Variants in WRN observed in about 807,000 individuals in gnomAD.
WRN encodes the protein WRN RecQ like helicase, also known as bifunctional 3'-5' exonuclease/ATP-dependent helicase WRN.
In WRN, 149 loss-of-function variants were observed where a neutral mutation model predicts 180.7. That is an observed-to-expected ratio of 0.82 (90% CI 0.72 to 0.94). The LOEUF (loss-of-function observed/expected upper bound fraction) is 0.94, where lower values mean the gene tolerates loss of function less well. WRN is among the 40% of genes least tolerant of loss of function. WRN has a pLI of 0.00. For synonymous variants in WRN, 548 were observed against 568.9 expected (o/e 0.96, Z 0.52); for missense variants, 1,661 against 1,700.1 (o/e 0.98, Z 0.40).
intron 21 of WRN, among the ~76,000 whole-genome samples, chr8:31,122,860 G>GTTTTTTTTTTT (rs71206298): frequency 1.2e-4 from 8 of 69,480 alleles, no homozygotes; most frequent in Admixed American, 2.3e-4. Flanking sequence ...TTCTTTTCTT[G>GTTTTTTTTTTT]TTTTTTTTTT....
chr8:31,062,181 A>G (rs534801921), intron 3 of WRN, among the ~76,000 whole-genome samples: 2 of 152,176 alleles, frequency 1.3e-5, no homozygotes, highest in South Asian at 4.1e-4. Context: ...TATCTGAAAC[A>G]GTTGTTTTAT....
chr8:31,081,426 C>A, intron 9 of WRN, 130 bp downstream of exon 9: 1 of 965,230 alleles, frequency 1.0e-6, no homozygotes. Context: ...TAACTCAGTT[C>A]TGTTATTGTA....
intron 1 of WRN, among the ~76,000 whole-genome samples, chr8:31,040,027 G>A (rs534340906): frequency 3.9e-5 from 6 of 152,138 alleles, no homozygotes; most frequent in South Asian, 2.1e-4. Context: ...TTGTAGCAGC[G>A]GAAGTGGTGA....
At chr8:31,095,122 A>T (rs998148549) in intron 16 of WRN, among the ~76,000 whole-genome samples, 1 of 152,130 alleles carries the variant, frequency 6.6e-6, no homozygotes, top group African/African-American at 2.4e-5. Context: ...AGTCTGGCTG[A>T]TCTTTAACTT....
chr8:31,171,304 G>A (rs1804091964), intron 34 of WRN: 2 of 145,136 alleles, frequency 1.4e-5, no homozygotes, highest in East Asian at 2.0e-4. Context: ...CCAATATCCA[G>A]AATCTACAAG....
At position 31,173,195 on chromosome 8, in the gene WRN, TAAA is replaced by T; in HGVS notation, c.*96_*98del. 1 of 1,209,506 alleles carries T rather than the reference TAAA, an allele frequency of 8.3e-7. No homozygotes were observed. The highest frequency in any genetic ancestry group is 1.2e-6 in the Non-Finnish European group (1 of 834,000). 74.9% of individuals were successfully genotyped at this position (1,209,506 alleles called of 1,614,324 possible). ...AAGAGTAAGGAGTAGTATTTTGGCT[TAAA>T]AATCATTCTAATTACAAAGTTCACT... On this transcript the variant is annotated 3_prime_UTR_variant, in exon 35 of 35. Coordinates refer to ENST00000298139, the MANE Select transcript of WRN (RefSeq NM_000553.6).
intron 2 of WRN, 136 bp downstream of exon 2, chr8:31,058,679 A>G: frequency 1.2e-6 from 1 of 810,788 alleles, no homozygotes; most frequent in South Asian, 1.5e-5. Flanking sequence ...ACCAGGACCT[A>G]GTTGTTGAAA....
intron 18 of WRN, among the ~76,000 whole-genome samples, chr8:31,106,500 C>A (rs1049429450): frequency 3.9e-5 from 6 of 152,118 alleles, no homozygotes; most frequent in African/African-American, 1.4e-4. Flanking sequence ...TGCAGCCACA[C>A]CACCCTCCTT....
At chr8:31,157,634 T>A in intron 33 of WRN, 104 bp downstream of exon 33, 1 of 1,413,182 alleles carries the variant, frequency 7.1e-7, no homozygotes, top group Non-Finnish European at 9.8e-7. Flanking sequence ...TATGCTATTA[T>A]GAAAACCTTA....
chr8:31,120,120 T>C, intron 20 of WRN, 123 bp from the exon 21 acceptor site: 6 of 1,156,020 alleles, frequency 5.2e-6, no homozygotes, highest in Non-Finnish European at 7.7e-6. Context: ...TGAAATCACA[T>C]TGAATTCCAC....
intron 1 of WRN, among the ~76,000 whole-genome samples, chr8:31,056,923 G>A (rs1273036851): frequency 1.3e-5 from 2 of 152,134 alleles, no homozygotes; most frequent in African/African-American, 4.8e-5. Context: ...CTGGTTTGAT[G>A]TCATTGGGAT....
At chr8:31,147,182 T>G in intron 29 of WRN, 54 bp downstream of exon 29, 3 of 1,570,468 alleles carry the variant, frequency 1.9e-6, no homozygotes, top group Non-Finnish European at 2.6e-6. Flanking sequence ...TATGATTCTA[T>G]GTATGCTTAA....
At chr8:31,154,296 T>G (rs1803277666) in intron 31 of WRN, among the ~76,000 whole-genome samples, 1 of 152,084 alleles carries the variant, frequency 6.6e-6, no homozygotes, top group Non-Finnish European at 1.5e-5. Flanking sequence ...AATATTCACT[T>G]CCAGGAGATT....
chr8:31,098,209 C>T (rs890461079), intron 17 of WRN, among the ~76,000 whole-genome samples: 2 of 152,036 alleles, frequency 1.3e-5, no homozygotes, highest in African/African-American at 4.8e-5. Context: ...TGATATGTTT[C>T]CTAATAGGTT....
At chr8:31,156,693 G>A (rs1364427399) in intron 32 of WRN, among the ~76,000 whole-genome samples, 1 of 152,194 alleles carries the variant, frequency 6.6e-6, no homozygotes, top group Non-Finnish European at 1.5e-5. Context: ...AGCTTTCTGA[G>A]TGTTTAAAAG....
chr8:31,149,440 T>C (rs1803009503), intron 30 of WRN, among the ~76,000 whole-genome samples: 1 of 139,938 alleles, frequency 7.1e-6, no homozygotes, highest in African/African-American at 2.6e-5. Context: ...TCTAAGACCA[T>C]ACTTTAATAG....
Position 31,059,214 on chromosome 8 carries a change from T to C in WRN, c.158T>C (p.Ile53Thr), listed in dbSNP as rs1276730563. Reference sequence around the variant, plus strand: ...CCCTTCTTAGAATTCACTGGATCCATTGTGTATAGTTACGATGCTAGTGAT... The same window carrying C: ...CCCTTCTTAGAATTCACTGGATCCACTGTGTATAGTTACGATGCTAGTGAT... Reference protein sequence around the residue: ...DLPFLEFTGSIVYSYDASDCS... With the variant: ...DLPFLEFTGSTVYSYDASDCS... Residue 53 changes from isoleucine (I) to threonine (T), a missense_variant, in exon 3 of 35, where the codon ATT becomes ACT. Coordinates refer to ENST00000298139, the MANE Select transcript of WRN (RefSeq NM_000553.6). 5 of 1,613,076 alleles carry C rather than the reference T, an allele frequency of 3.1e-6. No individual in the cohort carries two copies. The highest frequency in any genetic ancestry group is 1.1e-5 in the South Asian group (1 of 91,070).
chr8:31,037,602 C>T (rs1232118274), intron 1 of WRN, among the ~76,000 whole-genome samples: 1 of 152,172 alleles, frequency 6.6e-6, no homozygotes, highest in African/African-American at 2.4e-5. Context: ...CATTCTTTTG[C>T]ATATGGTTAT....
At chr8:31,076,394 A>AT in intron 8 of WRN, 107 bp downstream of exon 8, 1 of 933,288 alleles carries the variant, frequency 1.1e-6, no homozygotes, top group Non-Finnish European at 1.7e-6. Flanking sequence ...ACTCATAGAA[A>AT]TTTGCTTGAA....
Sources: allele counts gnomAD v4.1 joint callset (sites outside exome capture counted in the v4.1 genomes callset), GRCh38; gene constraint gnomAD v4.1.1; transcripts MANE v1.5; gene names NCBI Gene and HGNC (gene_info 2026-07-23, HGNC 2026-07-21).